The following ASMTL variants were observed in gnomAD, a reference collection of about 807,000 sequenced individuals.
ASMTL encodes probable bifunctional dTTP/UTP pyrophosphatase/methyltransferase protein.
ASMTL carries 57 observed loss-of-function variants against 60.3 expected under a neutral mutation model. That is an observed-to-expected ratio of 0.95 (90% CI 0.76 to 1.18). The LOEUF is 1.18. ASMTL is among the 50% of genes most tolerant of loss of function. The pLI, the probability that ASMTL is intolerant of heterozygous loss-of-function variation, is 0.00. For missense variants in ASMTL, 981 were observed against 852.6 expected (o/e 1.15, Z -1.88); for synonymous variants, 419 against 373.0 (o/e 1.12, Z -1.42).
chrX:1,418,045 G>C lies in ASMTL; in HGVS notation c.1450C>G (p.Pro484Ala). ...PRMQVTVFDL[P>A]DIIELAAHFQ... ...TGGGCGGCCAGCTCGATAATGTCTG[G>C]GAGGTCAAACACAGTCACCTGCATA... Residue 484 changes from proline (P) to alanine (A), a missense_variant, in exon 11 of 13, where the codon CCA becomes GCA. Coordinates refer to ENST00000381317, the MANE Select transcript of ASMTL (RefSeq NM_004192.4). The C allele has an allele frequency of 1.2e-6, 2 of 1,613,666 alleles. No individual in the cohort carries two copies. Among genetic ancestry groups the C allele is most frequent in the Non-Finnish European group, 1.7e-6 (2 of 1,179,692 alleles).
At chrX:1,438,206 C>A (rs755767830) in intron 3 of ASMTL, among the ~76,000 whole-genome samples, 35 of 151,918 alleles carry the variant, frequency 2.3e-4, no homozygotes, top group African/African-American at 8.2e-4. Context: ...TCGCTTGAAC[C>A]CGGGAGGCGG....
In ASMTL at chrX:1,421,860, G is replaced by C. The variant is rs1201983400; in HGVS notation, c.1061-18C>G. ...ACTGTAACCTGGAGAAATGGGGACA[G>C]TCGTGTGACCTCCTAACGAGAAAAC... is the stretch of plus-strand genomic sequence containing the variant. On this transcript the variant is annotated intron_variant, in intron 8 of 12. Coordinates refer to ENST00000381317, the MANE Select transcript of ASMTL (RefSeq NM_004192.4). The C allele has an allele frequency of 6.2e-7, 1 of 1,613,194 alleles. No homozygotes were observed. The highest frequency in any genetic ancestry group is 8.5e-7 in the Non-Finnish European group (1 of 1,179,196).
rs1472107801 is a variant in ASMTL at position 1,432,336 on chromosome X, T to G, written c.442A>C (p.Thr148Pro). 1.9e-6 allele frequency: 3 copies of G among 1,613,164 alleles called. No individual in the cohort carries two copies. In the South Asian group the frequency reaches 3.3e-5, roughly 18 times the overall value. Residue 148 changes from threonine (T) to proline (P), a missense_variant, in exon 6 of 13, where the codon ACG becomes CCG. Physicochemically the swap from Thr to Pro is conservative, Grantham distance 38. Coordinates refer to ENST00000381317, the MANE Select transcript of ASMTL (RefSeq NM_004192.4). ...DTRVSEFYEE[T>P]KVKFSELSEE... Reference sequence around the variant, plus strand: ...GACAGCTCCGAGAACTTCACCTTCGTTTCCTCGTAGAATTCCGAGACCCTG... The same window carrying G: ...GACAGCTCCGAGAACTTCACCTTCGGTTCCTCGTAGAATTCCGAGACCCTG...
chrX:1,420,271 GTC>G (rs1466892995), intron 9 of ASMTL, among the ~76,000 whole-genome samples: 1 of 150,252 alleles, frequency 6.7e-6, no homozygotes, highest in African/African-American at 2.4e-5. Flanking sequence ...CTCTATCTCT[GTC>G]TCTGTCTTTC....
At chrX:1,414,440 C>T (rs73618970) in intron 11 of ASMTL, among the ~76,000 whole-genome samples, 4,954 of 152,164 alleles carry the variant, frequency 0.033, 240 homozygotes, top group African/African-American at 0.097. Flanking sequence ...CATTTCCGGC[C>T]GGGCGGGGTG....
chrX:1,416,045 GCACA>G (rs5901175), intron 11 of ASMTL, among the ~76,000 whole-genome samples: 2 of 150,216 alleles, frequency 1.3e-5, no homozygotes, highest in South Asian at 2.1e-4. Context: ...ACAGTGACAG[GCACA>G]CGCGCACAGA....
At chrX:1,412,883 C>T (rs112710044) in intron 11 of ASMTL, 29 bp from the exon 12 acceptor site, 23 of 1,613,234 alleles carry the variant, frequency 1.4e-5, no homozygotes, top group East Asian at 4.5e-5. Context: ...GAGATACGTC[C>T]GTCAGGTATG....
At chrX:1,419,493 G>A (rs2090414106) in intron 9 of ASMTL, among the ~76,000 whole-genome samples, 2 of 152,114 alleles carry the variant, frequency 1.3e-5, no homozygotes, top group Non-Finnish European at 2.9e-5. Flanking sequence ...GTCTCTGCAG[G>A]TGCCCCGGCT....
chrX:1,436,416 G>A (rs1372132561), intron 3 of ASMTL, among the ~76,000 whole-genome samples: 3 of 152,020 alleles, frequency 2.0e-5, no homozygotes, highest in African/African-American at 4.8e-5. Context: ...GCAGTGGCGC[G>A]ATCTCGGCTC....
At chrX:1,430,494 G>T (rs1387947527) in intron 6 of ASMTL, among the ~76,000 whole-genome samples, 5 of 152,058 alleles carry the variant, frequency 3.3e-5, no homozygotes, top group African/African-American at 1.2e-4. Context: ...AATCGGCCGC[G>T]TGTGTTGGTG....
rs768836925 is a variant in ASMTL at position 1,415,471 on chromosome X, C to CTT, written c.1522+2500_1522+2501dup. Among the ~76,000 whole-genome samples, 434 of 146,976 alleles carry CTT rather than the reference C, an allele frequency of 3.0e-3. 21 individuals carry two copies. Among genetic ancestry groups the CTT allele is most frequent in the African/African-American group, 5.9e-3 (236 of 39,704 alleles). On this transcript the variant is annotated intron_variant, in intron 11 of 12. Coordinates refer to ENST00000381317, the MANE Select transcript of ASMTL (RefSeq NM_004192.4). ...TATTTATCATTATTATTATCATTGT[C>CTT]TTTTTTTTTTTGAGATGGAGTTTCG... is the stretch of plus-strand genomic sequence containing the variant.
chrX:1,431,856 C>G (rs147464814), intron 6 of ASMTL: 13,565 of 197,478 alleles, frequency 0.069, 615 homozygotes, highest in East Asian at 0.19. Context: ...ACTTCCCGTG[C>G]TCACCAATCT....
At chrX:1,416,462 C>CACACA (rs369117086) in intron 11 of ASMTL, among the ~76,000 whole-genome samples, 2,340 of 143,568 alleles carry the variant, frequency 0.016, 393 homozygotes, top group Non-Finnish European at 0.02. Context: ...CAGATGGACA[C>CACACA]GCAGACACAC....
chrX:1,421,299 A>C (rs1462220578), intron 9 of ASMTL, among the ~76,000 whole-genome samples: 2 of 151,966 alleles, frequency 1.3e-5, no homozygotes, highest in African/African-American at 4.8e-5. Flanking sequence ...TGGGGGTCTC[A>C]CTATGTTGCC....
In ASMTL at chrX:1,451,591, G is replaced by A. The variant is rs759675802; in HGVS notation, c.93+1157C>T. ...CCTAGGGGGTTCTGGGTCACTCCCT[G>A]CAACCCCATGCCTAGGGGTTTCGGG... On this transcript the variant is annotated intron_variant, in intron 1 of 12. Transcript: ENST00000381317. Among the ~76,000 whole-genome samples the A allele has an allele frequency of 2.4e-4, 21 of 88,496 alleles. No homozygotes were observed. In the South Asian group the frequency reaches 8.8e-3, roughly 37 times the overall value. 58.1% of individuals were successfully genotyped at this position (88,496 alleles called of 152,430 possible).
At chrX:1,441,966 AAC>A (rs1207734906) in intron 2 of ASMTL, 25 of 564,176 alleles carry the variant, frequency 4.4e-5, no homozygotes, top group Non-Finnish European at 6.9e-5. Context: ...AGAATATTAT[AAC>A]ACACAGTAAC....
chrX:1,435,395 G>A (rs1309827910), intron 4 of ASMTL: 7 of 604,812 alleles, frequency 1.2e-5, no homozygotes, highest in East Asian at 1.1e-4. Flanking sequence ...CCCAGGCTAC[G>A]GGCTCAGGTC....
intron 6 of ASMTL, among the ~76,000 whole-genome samples, chrX:1,430,159 C>T (rs1449730716): frequency 5.3e-5 from 8 of 151,996 alleles, no homozygotes; most frequent in Non-Finnish European, 8.8e-5. Context: ...GGATTACAGG[C>T]ACCTGCCACC....
At position 1,403,629 on chromosome X, in the gene ASMTL, A is replaced by G. The variant is rs2089677947; in HGVS notation, c.1646-140T>C. 28 of 696,382 alleles carry G rather than the reference A, an allele frequency of 4.0e-5. No homozygotes were observed. In the South Asian group the frequency reaches 4.7e-4, roughly 12 times the overall value. The allele number at this position is 696,382 out of a possible 1,614,324, so 43.1% of individuals were successfully genotyped here. A position where few individuals can be genotyped will look rare whatever the true frequency, so the allele number is the denominator to read the frequency against. ...GAACCCTTGGCCAGGGGGCCCACAC[A>G]GGTAGGGGAGGGGAGAGAGACAGAG... On this transcript the variant is annotated intron_variant, in intron 12 of 12. Coordinates refer to ENST00000381317, the MANE Select transcript of ASMTL (RefSeq NM_004192.4).
Sources: gnomAD v4.1 joint callset for allele counts (sites outside exome capture counted in the v4.1 genomes callset) on GRCh38, gnomAD v4.1.1 for gene constraint, MANE v1.5 for transcripts, NCBI Gene and HGNC (gene_info 2026-07-23, HGNC 2026-07-21) for gene names.